The following TPRG1 variants were observed in gnomAD, a reference collection of about 807,000 sequenced individuals.
The protein encoded by TPRG1 is tumor protein p63 regulated 1.
In TPRG1, 29 loss-of-function variants were observed where a neutral mutation model predicts 29.3. The observed-to-expected ratio is 0.99, with a 90% CI of 0.74 to 1.35. The LOEUF is 1.35. Among genes scored for constraint, TPRG1 ranks in the 40% most tolerant of loss-of-function variants. The probability of loss-of-function intolerance (pLI) is 0.00; values close to 1 mark genes in which losing one functional copy is unlikely to be tolerated. For missense variants in TPRG1, 327 were observed against 335.0 expected, an observed-to-expected ratio of 0.98 and a Z score of 0.19; for synonymous variants, 130 against 116.8, an observed-to-expected ratio of 1.11 and a Z score of -0.73.
chr3:189,023,617 T>G (rs1460406240), intron 3 of TPRG1: 2 of 152,274 alleles, frequency 1.3e-5, no homozygotes, highest in Admixed American at 6.5e-5. Flanking sequence ...GCACTGATTC[T>G]TTCTCATCTT....
chr3:189,320,568 G>A, intron 5 of TPRG1, 58 bp from the exon 6 acceptor site: 1 of 1,463,276 alleles, frequency 6.8e-7, no homozygotes, highest in Non-Finnish European at 9.2e-7. Context: ...GGGGAGATGA[G>A]TATCTCTCAA....
intron 3 of TPRG1, among the ~76,000 whole-genome samples, chr3:189,217,028 A>G (rs565351245): frequency 1.3e-5 from 2 of 152,340 alleles, no homozygotes; most frequent in African/African-American, 4.8e-5. Context: ...TAGAACTGGT[A>G]ATTTCTTTAA....
Position 189,205,530 on chromosome 3 carries a change from C to A in TPRG1, c.-9-1846C>A, listed in dbSNP as rs144372759. On this transcript the variant is annotated intron_variant, in intron 1 of 5. Transcript: ENST00000345063. ...GCCTAGTTAATCCCAATTTCAAAAG[C>A]GGAAGCTTGCTGGGGATAGGGGCTT... Among the ~76,000 whole-genome samples the A allele has an allele frequency of 3.0e-3, 457 of 152,294 alleles. 4 individuals are homozygous for A. The highest frequency in any genetic ancestry group is 6.6e-3 in the East Asian group (34 of 5,178).
chr3:189,299,367 C>G (rs1248283071), intron 4 of TPRG1, among the ~76,000 whole-genome samples: 1 of 152,174 alleles, frequency 6.6e-6, no homozygotes, highest in African/African-American at 2.4e-5. Context: ...CGGCAAAACA[C>G]TTTCAAAGCA....
At chr3:189,134,430 T>G (rs1034062534) in intron 3 of TPRG1, among the ~76,000 whole-genome samples, 91 of 121,486 alleles carry the variant, frequency 7.5e-4, no homozygotes, top group African/African-American at 3.7e-3. Flanking sequence ...TTTTTTTTTT[T>G]GAGACAGAGC....
intron 4 of TPRG1, among the ~76,000 whole-genome samples, chr3:189,035,236 G>A (rs1328759384): frequency 6.6e-6 from 1 of 152,130 alleles, no homozygotes; most frequent in Non-Finnish European, 1.5e-5. Flanking sequence ...CTAGTCATAT[G>A]CGGAAGATTG....
upstream of TPRG1, among the ~76,000 whole-genome samples, chr3:189,167,187 T>A (rs1728268276): frequency 6.6e-6 from 1 of 152,126 alleles, no homozygotes; most frequent in Non-Finnish European, 1.5e-5. Flanking sequence ...AACCCACACT[T>A]CCTCCTGAGC....
chr3:189,094,378 C>T (rs2152182875), intron 4 of TPRG1, among the ~76,000 whole-genome samples: 1 of 152,196 alleles, frequency 6.6e-6, no homozygotes, highest in Admixed American at 6.5e-5. Flanking sequence ...ATAACTGCCC[C>T]CTCCTTCTCT....
At chr3:189,102,954 T>C (rs147566035) in intron 1 of TPRG1, among the ~76,000 whole-genome samples, 1 of 152,324 alleles carries the variant, frequency 6.6e-6, no homozygotes, top group African/African-American at 2.4e-5. Flanking sequence ...TAACTTCCTC[T>C]TAAACTTGTC....
intron 1 of TPRG1, chr3:189,121,208 A>G (rs945863325): frequency 6.6e-6 from 1 of 152,222 alleles, no homozygotes; most frequent in Non-Finnish European, 1.5e-5. Flanking sequence ...CTCTTTAGGT[A>G]GAGTAAATAA....
intron 1 of TPRG1, chr3:189,121,459 T>G (rs992779596): frequency 2.0e-5 from 3 of 152,222 alleles, no homozygotes; most frequent in African/African-American, 7.2e-5. Context: ...GAAGACAGGA[T>G]TGTTTATTTT....
intron 5 of TPRG1, among the ~76,000 whole-genome samples, chr3:189,313,546 G>T (rs1723029656): frequency 1.3e-5 from 2 of 152,136 alleles, no homozygotes; most frequent in Admixed American, 6.5e-5. Flanking sequence ...GCTGAGTTAT[G>T]CAGTCAACAC....
exon 1 of TPRG1, chr3:189,100,180 C>G (rs980576216): frequency 1.3e-5 from 2 of 152,426 alleles, no homozygotes; most frequent in Admixed American, 6.5e-5. Flanking sequence ...AGTGTTTCTT[C>G]CAAGAGAAGA....
chr3:189,240,925 A>G (rs1190709063), intron 4 of TPRG1, among the ~76,000 whole-genome samples: 3 of 152,220 alleles, frequency 2.0e-5, no homozygotes, highest in Non-Finnish European at 4.4e-5. Context: ...GGTTTATATA[A>G]TCATCTATAG....
chr3:189,157,274 T>C (rs1468667503), intron 5 of TPRG1, among the ~76,000 whole-genome samples: 2 of 152,222 alleles, frequency 1.3e-5, no homozygotes, highest in African/African-American at 4.8e-5. Flanking sequence ...ACTGACCTAC[T>C]TCTCCTGCCT....
At chr3:189,256,652 AG>A (rs1318343279) in intron 4 of TPRG1, among the ~76,000 whole-genome samples, 7 of 152,166 alleles carry the variant, frequency 4.6e-5, no homozygotes, top group African/African-American at 1.7e-4. Flanking sequence ...GTCTCTCTGT[AG>A]GTCTCTAAGA....
intron 5 of TPRG1, among the ~76,000 whole-genome samples, chr3:189,319,309 A>G (rs1405141643): frequency 6.6e-6 from 1 of 151,954 alleles, no homozygotes; most frequent in Non-Finnish European, 1.5e-5. Flanking sequence ...CTCTAAGAGG[A>G]TTTCTGGTGA....
chr3:189,028,992 C>T (rs1356389013), intron 4 of TPRG1, among the ~76,000 whole-genome samples: 1 of 151,070 alleles, frequency 6.6e-6, no homozygotes, highest in Non-Finnish European at 1.5e-5. Context: ...GGTCTATTTC[C>T]TATTGAAGAT....
intron 1 of TPRG1, among the ~76,000 whole-genome samples, chr3:189,174,519 A>G (rs965512218): frequency 6.6e-6 from 1 of 152,220 alleles, no homozygotes; most frequent in Non-Finnish European, 1.5e-5. Context: ...TCTCTTAGGT[A>G]TTAGGATTCC....
Sources: allele counts gnomAD v4.1 joint callset (sites outside exome capture counted in the v4.1 genomes callset), GRCh38; gene constraint gnomAD v4.1.1; transcripts MANE v1.5; gene names NCBI Gene and HGNC (gene_info 2026-07-23, HGNC 2026-07-21).